UBE4B: variants seen among roughly 807,000 people sequenced by gnomAD.
UBE4B encodes ubiquitin conjugation factor E4 B.
In UBE4B, 27 loss-of-function variants were observed where a neutral mutation model predicts 148.1. The ratio of observed to expected loss-of-function variants is 0.18; its 90% CI spans 0.13 to 0.25. UBE4B has a LOEUF of 0.25. Among genes scored for constraint, UBE4B ranks in the 10% least tolerant of loss-of-function variants. The pLI is 1.00. For missense variants in UBE4B, 1,170 were observed against 1,662.4 expected, an observed-to-expected ratio of 0.70 and a Z score of 5.15; for synonymous variants, 596 against 619.3, an observed-to-expected ratio of 0.96 and a Z score of 0.56.
At chr1:10,046,751 A>G (rs1643920984) in intron 1 of UBE4B, among the ~76,000 whole-genome samples, 1 of 152,152 alleles carries the variant, frequency 6.6e-6, no homozygotes, top group Non-Finnish European at 1.5e-5. Flanking sequence ...GTAGGGCTAA[A>G]CAGTTTCTCC....
At chr1:10,105,872 G>A in intron 6 of UBE4B, 128 bp downstream of exon 6, 1 of 1,029,526 alleles carries the variant, frequency 9.7e-7, no homozygotes, top group Non-Finnish European at 1.4e-6. Flanking sequence ...TATTTGGGGA[G>A]GTGGATTTAG....
rs1646360169 is a variant in UBE4B at position 10,172,999 on chromosome 1, C to T, written c.3525+1670C>T. 2.6e-5 allele frequency among the ~76,000 whole-genome samples: 4 copies of T among 152,286 alleles called. No homozygotes were observed. In the South Asian group the frequency reaches 8.3e-4, roughly 32 times the overall value. ...AGCAATAGGCTATACCATAGAGCCT[C>T]GACGTGGTGTAGGCCACGCCATCTA... On this transcript the variant is annotated intron_variant, in intron 25 of 27. Coordinates refer to ENST00000343090, the MANE Select transcript of UBE4B (RefSeq NM_001105562.3).
intron 1 of UBE4B, among the ~76,000 whole-genome samples, chr1:10,070,499 C>T (rs1240383491): frequency 1.3e-5 from 2 of 151,194 alleles, no homozygotes; most frequent in African/African-American, 2.4e-5. Context: ...CTGCCTCTCC[C>T]GAGCTGCTTC....
At chr1:10,108,835 T>C (rs1645165834) in intron 7 of UBE4B, among the ~76,000 whole-genome samples, 4 of 152,220 alleles carry the variant, frequency 2.6e-5, no homozygotes, top group Admixed American at 2.6e-4. Flanking sequence ...TGCATGATTA[T>C]AGTAATAAAG....
At chr1:10,145,094 C>G in intron 18 of UBE4B, 55 bp downstream of exon 18, 1 of 1,421,738 alleles carries the variant, frequency 7.0e-7, no homozygotes, top group Non-Finnish European at 9.8e-7. Context: ...ATAATTTTCC[C>G]AACAGAATAT....
rs545888251 is a variant in UBE4B, at chr1:10,055,491, T to A, written c.25-16537T>A. On this transcript the variant is annotated intron_variant, in intron 1 of 27. Coordinates refer to ENST00000343090, the MANE Select transcript of UBE4B (RefSeq NM_001105562.3). ...TGCCACACCCAGCTAATTTAAAAAATTTTTTTTGTAGCGATGGGGTCTCGT... is the reference window on the plus strand; with the variant it reads ...TGCCACACCCAGCTAATTTAAAAAAATTTTTTTGTAGCGATGGGGTCTCGT... Among the ~76,000 whole-genome samples, 455 of 152,058 alleles carry A rather than the reference T, an allele frequency of 3.0e-3. 2 individuals are homozygous for A. Among genetic ancestry groups the A allele is most frequent in the South Asian group, 0.012 (60 of 4,820 alleles).
chr1:10,175,422 C>A (rs146745312), intron 25 of UBE4B, among the ~76,000 whole-genome samples: 3 of 151,492 alleles, frequency 2.0e-5, no homozygotes, highest in Non-Finnish European at 4.4e-5. Context: ...GAGGCCAAGG[C>A]GGGCGGATCA....
intron 5 of UBE4B, among the ~76,000 whole-genome samples, chr1:10,103,906 A>G (rs1339610455): frequency 2.8e-5 from 4 of 141,784 alleles, no homozygotes; most frequent in Non-Finnish European, 6.2e-5. Flanking sequence ...GATTACAGGC[A>G]TGAGCCACCG....
chr1:10,146,308 T>C (rs932069178), intron 18 of UBE4B, among the ~76,000 whole-genome samples: 1 of 152,116 alleles, frequency 6.6e-6, no homozygotes, highest in East Asian at 1.9e-4. Flanking sequence ...AAAAATTAAC[T>C]GGGTGTGGTG....
rs368296617 is a variant in UBE4B, at chr1:10,129,460, C to T, written c.1695+12C>T. On this transcript the variant is annotated intron_variant, in intron 12 of 27. Transcript: ENST00000343090. ...CTGTGTGCAATTTGGTAAGCACTCACCTGATGGGCTTGCACATTTTCAGTG... is the reference window on the plus strand; with the variant it reads ...CTGTGTGCAATTTGGTAAGCACTCATCTGATGGGCTTGCACATTTTCAGTG... 1.2e-5 allele frequency: 19 copies of T among 1,607,754 alleles called. No individual in the cohort carries two copies. The highest frequency in any genetic ancestry group is 1.5e-5 in the Non-Finnish European group (18 of 1,175,010).
Position 10,095,331 on chromosome 1 carries a change from G to C in UBE4B, c.212-130G>C. 9.4e-7 allele frequency: 1 copy of C among 1,061,682 alleles called. No individual in the cohort carries two copies. Among genetic ancestry groups the C allele is most frequent in the Non-Finnish European group, 1.3e-6 (1 of 743,928 alleles). The allele number at this position is 1,061,682 out of a possible 1,614,324, so 65.8% of individuals were successfully genotyped here. On this transcript the variant is annotated intron_variant, in intron 2 of 27. Transcript: ENST00000343090. The stretch of plus-strand genomic sequence containing the variant: ...TTTCCAGCTTTTTATATAATCTTCT[G>C]ATAGAAATTCCTCGGTTGCTGCAAT...
intron 8 of UBE4B, 134 bp from the exon 9 acceptor site, chr1:10,119,379 C>T (rs913375828): frequency 4.0e-6 from 3 of 754,652 alleles, no homozygotes; most frequent in Non-Finnish European, 6.5e-6. Flanking sequence ...GTTACTGTAG[C>T]TCGTTCACTA....
At chr1:10,083,589 G>T (rs920962517) in intron 2 of UBE4B, among the ~76,000 whole-genome samples, 1 of 151,806 alleles carries the variant, frequency 6.6e-6, no homozygotes, top group Non-Finnish European at 1.5e-5. Context: ...CTTCTACTTG[G>T]TCCAGAGCTT....
At chr1:10,112,287 T>G (rs1645234359) in intron 7 of UBE4B, among the ~76,000 whole-genome samples, 1 of 152,258 alleles carries the variant, frequency 6.6e-6, no homozygotes, top group Admixed American at 6.5e-5. Context: ...GACTTCAATA[T>G]GACATATTTC....
Position 10,114,221 on chromosome 1 carries a change from C to T in UBE4B, c.1197-3238C>T, listed in dbSNP as rs1190485299. On this transcript the variant is annotated intron_variant, in intron 7 of 27. Coordinates refer to ENST00000343090, the MANE Select transcript of UBE4B (RefSeq NM_001105562.3). ...TTCATTGTCATCTGCAAGAGCTGTT[C>T]ATAGGAAAATTACCCTCAATTGTGT... Among the ~76,000 whole-genome samples the T allele has an allele frequency of 2.0e-5, 3 of 152,166 alleles. No individual in the cohort carries two copies. In the East Asian group the frequency reaches 5.8e-4, roughly 29 times the overall value.
At chr1:10,160,637 A>G (rs1224432586) in intron 22 of UBE4B, among the ~76,000 whole-genome samples, 4 of 152,180 alleles carry the variant, frequency 2.6e-5, no homozygotes, top group Non-Finnish European at 5.9e-5. Context: ...AGCTTATCAT[A>G]AACAATTTAA....
chr1:10,098,437 A>G (rs1644962371), intron 3 of UBE4B, among the ~76,000 whole-genome samples: 1 of 152,160 alleles, frequency 6.6e-6, no homozygotes, highest in African/African-American at 2.4e-5. Flanking sequence ...CAAATATTCC[A>G]CAGGCTCCCC....
chr1:10,159,553 C>T (rs927879022), intron 22 of UBE4B, among the ~76,000 whole-genome samples: 1 of 152,062 alleles, frequency 6.6e-6, no homozygotes. Flanking sequence ...GGCGCGGTGG[C>T]GGGCGCCTGT....
chr1:10,138,356 C>T (rs982868564), intron 17 of UBE4B, among the ~76,000 whole-genome samples: 2 of 152,076 alleles, frequency 1.3e-5, no homozygotes, highest in South Asian at 2.1e-4. Flanking sequence ...CTCAGCCTCC[C>T]AAAGTGCTGG....
Sources: allele counts gnomAD v4.1 joint callset (sites outside exome capture counted in the v4.1 genomes callset), GRCh38; gene constraint gnomAD v4.1.1; transcripts MANE v1.5; gene names NCBI Gene and HGNC (gene_info 2026-07-23, HGNC 2026-07-21).